The following RIMS4 variants were observed in gnomAD, a reference collection of about 807,000 sequenced individuals.
RIMS4 encodes regulating synaptic membrane exocytosis 4, also known as regulating synaptic membrane exocytosis protein 4.
A neutral mutation model predicts 29.0 loss-of-function variants in RIMS4; 9 were observed. The ratio of observed to expected loss-of-function variants is 0.31; its 90% CI spans 0.19 to 0.54. The LOEUF is 0.54. Ranked by LOEUF, RIMS4 falls within the 20% of genes least tolerant of loss-of-function variation. The probability of loss-of-function intolerance (pLI) is 0.94; values close to 1 mark genes in which losing one functional copy is unlikely to be tolerated. For missense variants in RIMS4, 193 were observed against 365.7 expected, an observed-to-expected ratio of 0.53 and a Z score of 3.85; for synonymous variants, 130 against 152.9, an observed-to-expected ratio of 0.85 and a Z score of 1.10.
In RIMS4 at chr20:44,774,512, T is replaced by C. The variant is rs1179922844; in HGVS notation, c.98-3099A>G. On this transcript the variant is annotated intron_variant, in intron 1 of 5. Coordinates refer to ENST00000372851, the MANE Select transcript of RIMS4 (RefSeq NM_182970.4). ...GCGTGCATCTTCCTCCCATGCTGGATGCTTCCTGCTCTCAAACACTGGGCT... is the reference window on the plus strand; with the variant it reads ...GCGTGCATCTTCCTCCCATGCTGGACGCTTCCTGCTCTCAAACACTGGGCT... Among the ~76,000 whole-genome samples the C allele has an allele frequency of 3.3e-5, 5 of 152,312 alleles. No homozygotes were observed. In the East Asian group the frequency reaches 9.7e-4, roughly 29 times the overall value.
chr20:44,759,844 C>A (rs2066076718), intron 2 of RIMS4, among the ~76,000 whole-genome samples: 1 of 152,242 alleles, frequency 6.6e-6, no homozygotes, highest in Non-Finnish European at 1.5e-5. Flanking sequence ...CATTTGAAGT[C>A]CCCCAGTGTT....
intron 1 of RIMS4, among the ~76,000 whole-genome samples, chr20:44,773,734 A>G (rs1357151439): frequency 1.3e-5 from 2 of 152,102 alleles, no homozygotes; most frequent in African/African-American, 4.8e-5. Context: ...ACAGCCCTCA[A>G]AGCAGTTCCC....
rs560426129 is a variant in RIMS4 at position 44,782,311 on chromosome 20, T to C, written c.98-10898A>G. On this transcript the variant is annotated intron_variant, in intron 1 of 5. Coordinates refer to ENST00000372851, the MANE Select transcript of RIMS4 (RefSeq NM_182970.4). ...AGATGGACTTTTGCTCTGTGGCCTA[T>C]ACTGGAGTGCAGTGGCACAACCTTG... is the stretch of plus-strand genomic sequence containing the variant. Among the ~76,000 whole-genome samples, 4 of 152,334 alleles carry C rather than the reference T, an allele frequency of 2.6e-5. No individual in the cohort carries two copies. The South Asian group carries it at 8.3e-4, about 32-fold the overall frequency.
chr20:44,776,578 C>T (rs1275474430), intron 1 of RIMS4, among the ~76,000 whole-genome samples: 1 of 152,204 alleles, frequency 6.6e-6, no homozygotes, highest in Non-Finnish European at 1.5e-5. Context: ...GCACTCTGTA[C>T]TTCAGTTTCT....
intron 4 of RIMS4, 34 bp downstream of exon 4, chr20:44,757,636 A>C (rs1374162041): frequency 6.5e-7 from 1 of 1,546,132 alleles, no homozygotes; most frequent in African/African-American, 1.4e-5. Context: ...CCTGACCTCC[A>C]CCCCCACCTT....
intron 2 of RIMS4, among the ~76,000 whole-genome samples, chr20:44,769,678 G>C (rs1024590548): frequency 6.6e-6 from 1 of 152,204 alleles, no homozygotes; most frequent in Non-Finnish European, 1.5e-5. Flanking sequence ...TCTCGCCCAC[G>C]GGAAAGTCTC....
At chr20:44,799,147 A>C (rs2066267035) in intron 1 of RIMS4, among the ~76,000 whole-genome samples, 1 of 152,134 alleles carries the variant, frequency 6.6e-6, no homozygotes, top group Admixed American at 6.5e-5. Context: ...TACTAAAAAT[A>C]TAAAAATTAG....
intron 1 of RIMS4, among the ~76,000 whole-genome samples, chr20:44,800,911 G>C (rs1416385569): frequency 6.6e-6 from 1 of 152,348 alleles, no homozygotes. Flanking sequence ...GACGCCAGCT[G>C]TGTGCTGCCC....
At chr20:44,785,227 CTTCTT>C (rs1283837770) in intron 1 of RIMS4, among the ~76,000 whole-genome samples, 2 of 151,252 alleles carry the variant, frequency 1.3e-5, no homozygotes, top group Non-Finnish European at 2.9e-5. Flanking sequence ...AGCCATTCTT[CTTCTT>C]TTTTTTTTTT....
At chr20:44,776,716 C>G in intron 1 of RIMS4, among the ~76,000 whole-genome samples, 1 of 152,158 alleles carries the variant, frequency 6.6e-6, no homozygotes, top group Non-Finnish European at 1.5e-5. Context: ...CTGGGACACA[C>G]GGTCAGCCCT....
chr20:44,764,833 G>A (rs1223469801), intron 2 of RIMS4, among the ~76,000 whole-genome samples: 3 of 152,162 alleles, frequency 2.0e-5, no homozygotes, highest in Non-Finnish European at 4.4e-5. Context: ...AACAAGTACT[G>A]TAGCAGAATT....
At chr20:44,807,825 T>C (rs1397969694) in intron 1 of RIMS4, among the ~76,000 whole-genome samples, 1 of 151,878 alleles carries the variant, frequency 6.6e-6, no homozygotes, top group Non-Finnish European at 1.5e-5. Flanking sequence ...ACTTTCTCCC[T>C]CCCCCTCCCA....
chr20:44,800,216 A>T (rs546835770), intron 1 of RIMS4, among the ~76,000 whole-genome samples: 1 of 152,282 alleles, frequency 6.6e-6, no homozygotes, highest in East Asian at 1.9e-4. Context: ...AAGAATTTAA[A>T]AACAGGAAAA....
intron 2 of RIMS4, among the ~76,000 whole-genome samples, chr20:44,760,223 C>T (rs1385122232): frequency 1.3e-5 from 2 of 152,200 alleles, no homozygotes; most frequent in Non-Finnish European, 2.9e-5. Flanking sequence ...CTGGTGAGTG[C>T]TGGGGGATGA....
At chr20:44,785,349 C>T (rs918604331) in intron 1 of RIMS4, among the ~76,000 whole-genome samples, 1 of 151,932 alleles carries the variant, frequency 6.6e-6, no homozygotes, top group Non-Finnish European at 1.5e-5. Flanking sequence ...CCATCTCAGC[C>T]GGTACTACAC....
At chr20:44,758,905 G>A (rs760633234) in intron 2 of RIMS4, among the ~76,000 whole-genome samples, 1 of 152,188 alleles carries the variant, frequency 6.6e-6, no homozygotes, top group Non-Finnish European at 1.5e-5. Context: ...CAAAATGACA[G>A]CATTGTGTGA....
In RIMS4 at chr20:44,756,090, G is replaced by C. The variant is rs1213531029; in HGVS notation, c.*44C>G. 13 of 1,475,300 alleles carry C rather than the reference G, an allele frequency of 8.8e-6. No homozygotes were observed. The highest frequency in any genetic ancestry group is 1.2e-5 in the Non-Finnish European group (13 of 1,073,142). The allele number at this position is 1,475,300 out of a possible 1,614,324, so 91.4% of individuals were successfully genotyped here. On this transcript the variant is annotated 3_prime_UTR_variant, in exon 6 of 6. Coordinates refer to ENST00000372851, the MANE Select transcript of RIMS4 (RefSeq NM_182970.4). The surrounding 1 kb of genome is among the most constrained non-coding windows in gnomAD (Gnocchi z 5.9). ...GGCCTGGGGTCCCAGGTCAGGGCTG[G>C]GTGGTCTCCAGGCCATCTTGGGGAG...
At chr20:44,794,564 TTC>T (rs1360350640) in intron 1 of RIMS4, among the ~76,000 whole-genome samples, 1 of 152,198 alleles carries the variant, frequency 6.6e-6, no homozygotes, top group Non-Finnish European at 1.5e-5. Context: ...TTAAATTTGG[TTC>T]TTATTCACTG....
In RIMS4 at chr20:44,789,320, C is replaced by T. The variant is rs958232281; in HGVS notation, c.98-17907G>A. Among the ~76,000 whole-genome samples the T allele has an allele frequency of 7.9e-5, 12 of 152,230 alleles. No individual in the cohort carries two copies. The South Asian group carries it at 1.5e-3, about 18-fold the overall frequency. On this transcript the variant is annotated intron_variant, in intron 1 of 5. Coordinates refer to ENST00000372851, the MANE Select transcript of RIMS4 (RefSeq NM_182970.4). ...TTTTATTATTATAATTTTTTTGAGA[C>T]GGAGTCTCTCTCTGTCACCCAGGCT...
Sources: gnomAD v4.1 joint callset for allele counts (sites outside exome capture counted in the v4.1 genomes callset) on GRCh38, gnomAD v4.1.1 for gene constraint, Gnocchi (gnomAD v3.1) non-coding constraint, MANE v1.5 for transcripts, NCBI Gene and HGNC (gene_info 2026-07-23, HGNC 2026-07-21) for gene names.